The following DCAF8L2 variants were observed in gnomAD, a reference collection of about 807,000 sequenced individuals.
DCAF8L2 encodes the protein DDB1 and CUL4 associated factor 8 like 2, also known as DDB1- and CUL4-associated factor 8-like protein 2.
For synonymous variants in DCAF8L2, 200 were observed against 190.9 expected (o/e 1.05, Z -0.39); for missense variants, 430 against 490.7 (o/e 0.88, Z 1.17).
chrX:27,673,854 C>T (rs980551730), intron 2 of DCAF8L2, among the ~76,000 whole-genome samples: 2 of 110,631 alleles, frequency 1.8e-5, no homozygotes, highest in African/African-American at 6.6e-5. Context: ...AAGGTAGCTG[C>T]GGCACAGAGT....
chrX:27,525,326 T>C, the DCAF8L2 span, among the ~76,000 whole-genome samples: 1 of 111,933 alleles, frequency 8.9e-6, no homozygotes, highest in Non-Finnish European at 1.9e-5. Flanking sequence ...GTTTAAAACC[T>C]GTTTTATCAG....
the DCAF8L2 span, among the ~76,000 whole-genome samples, chrX:27,547,153 A>T: frequency 5.4e-5 from 6 of 112,004 alleles, no homozygotes; most frequent in Non-Finnish European, 7.5e-5. Flanking sequence ...CTTTGCTAAA[A>T]CACAGCAAGA....
the DCAF8L2 span, among the ~76,000 whole-genome samples, chrX:27,582,190 G>A: frequency 1.8e-5 from 2 of 111,409 alleles, no homozygotes; most frequent in East Asian, 5.6e-4. Flanking sequence ...CATGCTTACA[G>A]AATACTTGCA....
At chrX:27,479,857 A>G in the DCAF8L2 span, among the ~76,000 whole-genome samples, 1 of 112,370 alleles carries the variant, frequency 8.9e-6, no homozygotes, top group African/African-American at 3.2e-5. Context: ...AAACAAAAAT[A>G]CACCCAAACA....
chrX:27,574,806 A>G, the DCAF8L2 span, among the ~76,000 whole-genome samples: 1 of 110,984 alleles, frequency 9.0e-6, no homozygotes, highest in Non-Finnish European at 1.9e-5. Context: ...AGGGGAGCAT[A>G]TAGATGGGCA....
the DCAF8L2 span, among the ~76,000 whole-genome samples, chrX:27,502,587 T>G: frequency 9.3e-6 from 1 of 107,554 alleles, no homozygotes; most frequent in African/African-American, 3.4e-5. Flanking sequence ...AGACGCTTAT[T>G]TATTGATTCT....
chrX:27,568,973 AC>A, the DCAF8L2 span, among the ~76,000 whole-genome samples: 1 of 106,187 alleles, frequency 9.4e-6, no homozygotes, highest in Non-Finnish European at 1.9e-5. Context: ...ACACACACAC[AC>A]ACACACACAC....
the DCAF8L2 span, among the ~76,000 whole-genome samples, chrX:27,576,736 G>A: frequency 3.6e-5 from 4 of 111,907 alleles, no homozygotes; most frequent in South Asian, 3.7e-4. Context: ...GTAATTTCTG[G>A]GGAAATAGCA....
intron 3 of DCAF8L2, among the ~76,000 whole-genome samples, chrX:27,706,503 A>G (rs1158050101): frequency 1.8e-5 from 2 of 111,543 alleles, no homozygotes; most frequent in Non-Finnish European, 3.8e-5. Context: ...TAGAAGATAT[A>G]TAAATAGGCA....
the DCAF8L2 span, among the ~76,000 whole-genome samples, chrX:27,489,089 A>G: frequency 9.0e-6 from 1 of 110,526 alleles, no homozygotes; most frequent in African/African-American, 3.3e-5. Context: ...AAAAATTCAA[A>G]TAGGTTTTTG....
At chrX:27,609,348 G>A (rs1341710360) in intron 1 of DCAF8L2, among the ~76,000 whole-genome samples, 1 of 111,609 alleles carries the variant, frequency 9.0e-6, no homozygotes, top group African/African-American at 3.3e-5. Context: ...TCCCTGATAG[G>A]AGGTAAAGCT....
chrX:27,703,276 A>G (rs776079868), intron 3 of DCAF8L2, among the ~76,000 whole-genome samples: 9 of 111,503 alleles, frequency 8.1e-5, no homozygotes, highest in African/African-American at 2.9e-4. Flanking sequence ...CAATTAATCT[A>G]CAATCTCTAT....
At chrX:27,597,950 T>C (rs1926433042) in intron 1 of DCAF8L2, among the ~76,000 whole-genome samples, 1 of 112,438 alleles carries the variant, frequency 8.9e-6, no homozygotes, top group South Asian at 3.6e-4. Context: ...CAAGTTTATG[T>C]GACTCTTTCT....
At chrX:27,510,476 T>C in the DCAF8L2 span, among the ~76,000 whole-genome samples, 1 of 100,880 alleles carries the variant, frequency 9.9e-6, no homozygotes, top group Non-Finnish European at 2.0e-5. Context: ...TGTAATATGC[T>C]TAACAAAGAG....
chrX:27,648,218 A>ATAAG (rs1348947810), intron 2 of DCAF8L2, among the ~76,000 whole-genome samples: 1 of 111,307 alleles, frequency 9.0e-6, no homozygotes, highest in East Asian at 2.8e-4. Context: ...AGATTATAAA[A>ATAAG]TAAGTATGTA....
chrX:27,533,438 A>G, the DCAF8L2 span, among the ~76,000 whole-genome samples: 1 of 110,878 alleles, frequency 9.0e-6, no homozygotes, highest in Non-Finnish European at 1.9e-5. Context: ...AAATAAAAAA[A>G]AATTAGATTA....
intron 4 of DCAF8L2, among the ~76,000 whole-genome samples, chrX:27,732,658 C>T (rs887281555): frequency 2.5e-4 from 28 of 110,761 alleles, no homozygotes; most frequent in African/African-American, 9.2e-4. Context: ...AGATTGTTTC[C>T]ATATCTTGGA....
At chrX:27,563,615 A>G in the DCAF8L2 span, among the ~76,000 whole-genome samples, 2 of 112,404 alleles carry the variant, frequency 1.8e-5, no homozygotes, top group African/African-American at 6.5e-5. Flanking sequence ...ATGTAATACA[A>G]TATGCTCTTT....
At chrX:27,493,459 C>A in the DCAF8L2 span, among the ~76,000 whole-genome samples, 10 of 110,463 alleles carry the variant, frequency 9.1e-5, no homozygotes, top group East Asian at 2.6e-3. Flanking sequence ...GCCCATAATC[C>A]CAGCACTTTG....
Sources: gnomAD v4.1 joint callset for allele counts (sites outside exome capture counted in the v4.1 genomes callset) on GRCh38, gnomAD v4.1.1 for gene constraint, MANE v1.5 for transcripts, NCBI Gene and HGNC (gene_info 2026-07-23, HGNC 2026-07-21) for gene names.